The following ADGRL3 variants were observed in gnomAD, a reference collection of about 807,000 sequenced individuals.
ADGRL3 encodes the protein adhesion G protein-coupled receptor L3.
ADGRL3 carries 62 observed loss-of-function variants against 153.5 expected under a neutral mutation model. The ratio of observed to expected loss-of-function variants is 0.40; its 90% CI spans 0.33 to 0.50. The LOEUF is 0.50. Ranked by LOEUF, ADGRL3 falls within the 20% of genes least tolerant of loss-of-function variation. The pLI is 0.47. For missense variants in ADGRL3, 1,641 were observed against 1,859.4 expected, an observed-to-expected ratio of 0.88 and a Z score of 2.16; for synonymous variants, 710 against 672.5, an observed-to-expected ratio of 1.06 and a Z score of -0.86.
At chr4:62,043,222 T>C (rs1729337356) in intron 24 of ADGRL3, among the ~76,000 whole-genome samples, 1 of 152,098 alleles carries the variant, frequency 6.6e-6, no homozygotes, top group African/African-American at 2.4e-5. Flanking sequence ...CTGTTCCTAG[T>C]TTAACATCTC....
chr4:61,797,487 A>G (rs1445382126), intron 8 of ADGRL3, among the ~76,000 whole-genome samples: 1 of 152,196 alleles, frequency 6.6e-6, no homozygotes, highest in East Asian at 1.9e-4. Flanking sequence ...AGTAGAAAGA[A>G]CTGTAGCAAT....
rs534210959 is a variant in ADGRL3 at position 61,841,318 on chromosome 4, A to G, written c.1480+27429A>G. Among the ~76,000 whole-genome samples, 22 of 151,414 alleles carry G rather than the reference A, an allele frequency of 1.5e-4. No homozygotes were observed. The South Asian group carries it at 1.5e-3, about 10-fold the overall frequency. ...ATAAGCTGGAGGCTCACGTATTTGC[A>G]TATAAATTAGGTCATTTCTTAAATT... On this transcript the variant is annotated intron_variant, in intron 9 of 26. Coordinates refer to ENST00000683033, the MANE Select transcript of ADGRL3 (RefSeq NM_001387552.1).
chr4:61,314,272 C>T (rs1004936455), intron 1 of ADGRL3, among the ~76,000 whole-genome samples: 12 of 149,762 alleles, frequency 8.0e-5, no homozygotes, highest in Non-Finnish European at 1.6e-4. Context: ...TGCAATGGTG[C>T]GATCTTGGCT....
chr4:61,750,182 TAAAAAAAAAAAAA>T (rs60768535), intron 8 of ADGRL3, among the ~76,000 whole-genome samples: 2 of 94,614 alleles, frequency 2.1e-5, no homozygotes, highest in Admixed American at 1.2e-4. Flanking sequence ...AGGGGATGGT[TAAAAAAAAAAAAA>T]AAAAAAAAAA....
At chr4:61,596,022 C>T (rs1047967736) in intron 5 of ADGRL3, among the ~76,000 whole-genome samples, 2 of 152,282 alleles carry the variant, frequency 1.3e-5, no homozygotes, top group Admixed American at 1.3e-4. Flanking sequence ...CTCATGACCA[C>T]AGCCGGGGAA....
intron 1 of ADGRL3, among the ~76,000 whole-genome samples, chr4:61,381,913 G>A (rs1340461886): frequency 6.6e-6 from 1 of 151,872 alleles, no homozygotes; most frequent in Non-Finnish European, 1.5e-5. Flanking sequence ...CACTAATTGG[G>A]CAAATAGAAG....
rs1746678803 is a variant in ADGRL3, at chr4:62,074,934, T to C, written c.*4026T>C. 1 of 152,116 alleles carries C rather than the reference T, an allele frequency of 6.6e-6. No homozygotes were observed. The highest frequency in any genetic ancestry group is 1.5e-5 in the Non-Finnish European group (1 of 68,022). 9.4% of individuals were successfully genotyped at this position (152,116 alleles called of 1,614,324 possible). On this transcript the variant is annotated 3_prime_UTR_variant, in exon 27 of 27. Coordinates refer to ENST00000683033, the MANE Select transcript of ADGRL3 (RefSeq NM_001387552.1). Reference sequence around the variant, plus strand: ...CCCACATATTTAATTTTAGGCATTGTCTTCAGCTTCCCTGGACCCCCAACA... The same window carrying C: ...CCCACATATTTAATTTTAGGCATTGCCTTCAGCTTCCCTGGACCCCCAACA...
intron 13 of ADGRL3, among the ~76,000 whole-genome samples, chr4:61,934,207 C>A (rs2098829135): frequency 6.6e-6 from 1 of 152,182 alleles, no homozygotes; most frequent in South Asian, 2.1e-4. Context: ...TAAGGTTCAA[C>A]TGTTTATTCC....
chr4:61,312,413 A>T (rs575836921), intron 1 of ADGRL3, among the ~76,000 whole-genome samples: 39 of 152,332 alleles, frequency 2.6e-4, no homozygotes, highest in African/African-American at 8.9e-4. Flanking sequence ...GAAGAAAAGT[A>T]ATTGATAAGT....
chr4:61,725,609 A>G (rs925980364), intron 6 of ADGRL3, among the ~76,000 whole-genome samples: 1 of 47,866 alleles, frequency 2.1e-5, no homozygotes. Flanking sequence ...AAAAAAAACC[A>G]AAAAAAAACA....
At chr4:61,598,628 G>C (rs542947030) in intron 5 of ADGRL3, among the ~76,000 whole-genome samples, 1 of 152,036 alleles carries the variant, frequency 6.6e-6, no homozygotes, top group Non-Finnish European at 1.5e-5. Context: ...AGCGCTGTTG[G>C]CATCCATGTG....
At chr4:61,973,802 TG>T (rs1388155162) in intron 17 of ADGRL3, among the ~76,000 whole-genome samples, 11 of 152,226 alleles carry the variant, frequency 7.2e-5, no homozygotes, top group Non-Finnish European at 1.5e-4. Context: ...CTACGTTATT[TG>T]TCTTTTTGTT....
At chr4:61,802,354 G>A (rs1206918110) in intron 8 of ADGRL3, among the ~76,000 whole-genome samples, 3 of 152,118 alleles carry the variant, frequency 2.0e-5, no homozygotes, top group African/African-American at 4.8e-5. Flanking sequence ...TTCAAAGAGT[G>A]AGGCTTGCTT....
At chr4:61,506,082 T>C in intron 3 of ADGRL3, among the ~76,000 whole-genome samples, 1 of 152,106 alleles carries the variant, frequency 6.6e-6, no homozygotes, top group East Asian at 1.9e-4. Context: ...TCTTAAGCCT[T>C]AGAGTTTAAC....
chr4:61,374,892 G>A (rs1481201662), intron 1 of ADGRL3, among the ~76,000 whole-genome samples: 3 of 151,702 alleles, frequency 2.0e-5, no homozygotes, highest in Non-Finnish European at 4.4e-5. Flanking sequence ...AATGACCAGA[G>A]GAATGAGGAT....
chr4:61,530,259 A>G (rs1202287912), intron 4 of ADGRL3, among the ~76,000 whole-genome samples: 1 of 152,070 alleles, frequency 6.6e-6, no homozygotes, highest in Non-Finnish European at 1.5e-5. Context: ...AGCATTTCTG[A>G]CTGTCTCTGC....
At chr4:61,421,020 G>T (rs13146204) in intron 2 of ADGRL3, among the ~76,000 whole-genome samples, 43,336 of 151,782 alleles carry the variant, frequency 0.29, 6,377 homozygotes, top group Middle Eastern at 0.38. Context: ...TATAAAACTG[G>T]CAAATGCTGG....
At chr4:61,391,767 T>A (rs1187209092) in intron 2 of ADGRL3, among the ~76,000 whole-genome samples, 5 of 152,038 alleles carry the variant, frequency 3.3e-5, no homozygotes, top group African/African-American at 1.2e-4. Context: ...ATTTTGTTAA[T>A]TTTTTTAACA....
At chr4:61,605,436 G>A (rs1284916664) in intron 5 of ADGRL3, among the ~76,000 whole-genome samples, 1 of 152,172 alleles carries the variant, frequency 6.6e-6, no homozygotes, top group African/African-American at 2.4e-5. Flanking sequence ...AACAGCAAAT[G>A]TGTGTCCACA....
Sources: gnomAD v4.1 joint callset for allele counts (sites outside exome capture counted in the v4.1 genomes callset) on GRCh38, gnomAD v4.1.1 for gene constraint, MANE v1.5 for transcripts, NCBI Gene and HGNC (gene_info 2026-07-23, HGNC 2026-07-21) for gene names.